NPAS3: variants seen among roughly 807,000 people sequenced by gnomAD.
NPAS3 encodes neuronal PAS domain protein 3.
NPAS3 carries 14 observed loss-of-function variants against 73.1 expected under a neutral mutation model. The observed-to-expected ratio is 0.19, with a 90% confidence interval of 0.13 to 0.30. The LOEUF (loss-of-function observed/expected upper bound fraction) is 0.30. Among genes scored for constraint, NPAS3 ranks in the 10% least tolerant of loss-of-function variants. The probability of loss-of-function intolerance (pLI) is 1.00; values close to 1 mark genes in which losing one functional copy is unlikely to be tolerated. For missense variants in NPAS3, 1,096 were observed against 1,250.0 expected, an observed-to-expected ratio of 0.88 and a Z score of 1.86; for synonymous variants, 620 against 541.5, an observed-to-expected ratio of 1.14 and a Z score of -2.01.
chr14:33,206,494 A>G (rs1031537849), intron 2 of NPAS3, among the ~76,000 whole-genome samples: 2 of 152,090 alleles, frequency 1.3e-5, no homozygotes. Flanking sequence ...AAACTCATAC[A>G]GTGCTCCCCC....
intron 1 of NPAS3, among the ~76,000 whole-genome samples, chr14:33,021,823 C>A (rs2039607490): frequency 6.6e-6 from 1 of 152,094 alleles, no homozygotes; most frequent in Non-Finnish European, 1.5e-5. Context: ...ATAGCAAGGG[C>A]CAATATAATA....
At chr14:33,074,006 G>A (rs2041573508) in intron 2 of NPAS3, among the ~76,000 whole-genome samples, 1 of 152,228 alleles carries the variant, frequency 6.6e-6, no homozygotes, top group Non-Finnish European at 1.5e-5. Context: ...GTGATTTGCT[G>A]ACTGGAAAGT....
At chr14:33,766,878 G>T (rs1302959266) in intron 7 of NPAS3, among the ~76,000 whole-genome samples, 1 of 152,078 alleles carries the variant, frequency 6.6e-6, no homozygotes, top group South Asian at 2.1e-4. Flanking sequence ...GCTTTTCCCT[G>T]TTCTGCCTTT....
intron 5 of NPAS3, among the ~76,000 whole-genome samples, chr14:33,670,500 G>A (rs888478609): frequency 4.6e-5 from 7 of 152,046 alleles, no homozygotes; most frequent in African/African-American, 1.7e-4. Context: ...TATGTAGGAA[G>A]TTATGAAGAT....
At chr14:33,125,182 T>A (rs547534441) in intron 2 of NPAS3, among the ~76,000 whole-genome samples, 1 of 152,246 alleles carries the variant, frequency 6.6e-6, no homozygotes, top group Non-Finnish European at 1.5e-5. Flanking sequence ...CATTATTTAA[T>A]GAATTCATGA....
chr14:33,692,358 A>G (rs532430735), intron 6 of NPAS3, among the ~76,000 whole-genome samples: 11 of 152,170 alleles, frequency 7.2e-5, no homozygotes, highest in Non-Finnish European at 1.5e-4. Context: ...TTTCGAAAAG[A>G]TTAAGATTTA....
chr14:33,660,378 G>T (rs1189301953), intron 5 of NPAS3, among the ~76,000 whole-genome samples: 8 of 152,118 alleles, frequency 5.3e-5, no homozygotes, highest in Admixed American at 5.2e-4. Flanking sequence ...AGGCTTCCTT[G>T]TTCTTTTATG....
At chr14:33,526,171 T>A (rs894529773) in intron 4 of NPAS3, among the ~76,000 whole-genome samples, 4 of 152,196 alleles carry the variant, frequency 2.6e-5, no homozygotes, top group Admixed American at 6.5e-5. Flanking sequence ...TCCTCACTCA[T>A]GACCTTTCAT....
intron 3 of NPAS3, among the ~76,000 whole-genome samples, chr14:33,230,390 C>T (rs2047803978): frequency 6.6e-6 from 1 of 152,122 alleles, no homozygotes; most frequent in Admixed American, 6.5e-5. Flanking sequence ...AGCTTTGAAC[C>T]CACGGATGGA....
At chr14:33,473,890 G>T (rs1255475398) in intron 4 of NPAS3, among the ~76,000 whole-genome samples, 1 of 152,090 alleles carries the variant, frequency 6.6e-6, no homozygotes, top group East Asian at 1.9e-4. Context: ...ATGTGATGAA[G>T]GCATATGATC....
intron 2 of NPAS3, among the ~76,000 whole-genome samples, chr14:33,139,523 A>T (rs1453285101): frequency 1.3e-5 from 2 of 152,076 alleles, no homozygotes; most frequent in East Asian, 1.9e-4. Context: ...GGGGTGGAGG[A>T]TGTGGTTTCT....
chr14:33,727,607 T>G (rs1034557124), intron 6 of NPAS3, among the ~76,000 whole-genome samples: 5 of 149,190 alleles, frequency 3.4e-5, no homozygotes, highest in African/African-American at 1.2e-4. Context: ...ATGTTTGTCA[T>G]TAAAAAAAAA....
chr14:33,515,929 T>C (rs1449063970), intron 4 of NPAS3, among the ~76,000 whole-genome samples: 3 of 152,146 alleles, frequency 2.0e-5, no homozygotes, highest in East Asian at 1.9e-4. Context: ...CCGACATGGA[T>C]GCATTACTGC....
At chr14:32,966,594 C>CTGCTATGAGAAAG (rs1595108919) in intron 1 of NPAS3, among the ~76,000 whole-genome samples, 3 of 135,970 alleles carry the variant, frequency 2.2e-5, no homozygotes, top group Non-Finnish European at 4.9e-5. Flanking sequence ...AATTATGAAA[C>CTGCTATGAGAAAG]CCCGTCTCTA....
At chr14:32,949,670 G>T (rs2036405034) in intron 1 of NPAS3, among the ~76,000 whole-genome samples, 1 of 151,892 alleles carries the variant, frequency 6.6e-6, no homozygotes, top group African/African-American at 2.4e-5. Context: ...GCAGGTTAGG[G>T]CAGTATCATA....
chr14:33,027,303 T>C (rs2039840908), intron 1 of NPAS3, among the ~76,000 whole-genome samples: 1 of 152,148 alleles, frequency 6.6e-6, no homozygotes, highest in African/African-American at 2.4e-5. Context: ...AGCAAGGCAG[T>C]TCAGAGAAAG....
At chr14:33,346,746 T>C (rs983120677) in intron 3 of NPAS3, among the ~76,000 whole-genome samples, 2 of 152,136 alleles carry the variant, frequency 1.3e-5, no homozygotes, top group Admixed American at 6.5e-5. Context: ...AACCCAGTGA[T>C]AAAATGGAGA....
chr14:33,203,730 C>G (rs1051234966), intron 2 of NPAS3, among the ~76,000 whole-genome samples: 2 of 152,180 alleles, frequency 1.3e-5, no homozygotes, highest in African/African-American at 4.8e-5. Context: ...CATTGTTGGA[C>G]ATTTGGGTTG....
intron 2 of NPAS3, among the ~76,000 whole-genome samples, chr14:33,124,650 T>C (rs1463700775): frequency 6.6e-6 from 1 of 152,026 alleles, no homozygotes; most frequent in East Asian, 1.9e-4. Flanking sequence ...TCAACAAAAA[T>C]GAAAGCTATC....
Sources: allele counts gnomAD v4.1 joint callset (sites outside exome capture counted in the v4.1 genomes callset), GRCh38; gene constraint gnomAD v4.1.1; transcripts MANE v1.5; gene names NCBI Gene and HGNC (gene_info 2026-07-23, HGNC 2026-07-21).